The following MDGA2 variants were observed in gnomAD, a reference collection of about 807,000 sequenced individuals.
The protein encoded by MDGA2 is MAM domain containing glycosylphosphatidylinositol anchor 2, also known as MAM domain-containing glycosylphosphatidylinositol anchor protein 2.
A neutral mutation model predicts 117.8 loss-of-function variants in MDGA2; 40 were observed. That is an observed-to-expected ratio of 0.34 (90% CI 0.26 to 0.44). MDGA2 has a LOEUF of 0.44. Ranked by LOEUF, MDGA2 falls within the 20% of genes least tolerant of loss-of-function variation. MDGA2 has a pLI of 1.00. For synonymous variants in MDGA2, 452 were observed against 439.0 expected (o/e 1.03, Z -0.37); for missense variants, 1,123 against 1,250.6 (o/e 0.90, Z 1.54).
At chr14:47,402,999 T>C (rs1695221110) in intron 1 of MDGA2, among the ~76,000 whole-genome samples, 1 of 152,176 alleles carries the variant, frequency 6.6e-6, no homozygotes, top group Non-Finnish European at 1.5e-5. Context: ...TCTTGACTTT[T>C]CTTGTTTCCC....
At chr14:47,355,415 A>C (rs1043967506) in intron 1 of MDGA2, among the ~76,000 whole-genome samples, 1 of 152,118 alleles carries the variant, frequency 6.6e-6, no homozygotes, top group Non-Finnish European at 1.5e-5. Context: ...CTAGCAAGGA[A>C]CCATGGTGGA....
rs59530070 is a variant in MDGA2 at position 46,982,705 on chromosome 14, CAAAAAAAAA to C, written c.1820-25071_1820-25063del. 7.7e-3 allele frequency among the ~76,000 whole-genome samples: 356 copies of C among 45,978 alleles called. 6 individuals carry two copies. Among genetic ancestry groups the C allele is most frequent in the Non-Finnish European group, 0.01 (285 of 27,506 alleles). 30.2% of individuals were successfully genotyped at this position (45,978 alleles called of 152,430 possible). A position where few individuals can be genotyped will look rare whatever the true frequency, so the allele number is the denominator to read the frequency against. On this transcript the variant is annotated intron_variant, in intron 8 of 16. Coordinates refer to ENST00000399232, the MANE Select transcript of MDGA2 (RefSeq NM_001113498.3). ...GCCTGGTGACAGAGGGAGACTCCAT[CAAAAAAAAA>C]AAAAAAAAAAAAAAAAAAAAAATCA... is the stretch of plus-strand genomic sequence containing the variant.
intron 1 of MDGA2, among the ~76,000 whole-genome samples, chr14:47,332,224 C>G (rs1407186844): frequency 6.6e-6 from 1 of 151,960 alleles, no homozygotes; most frequent in Non-Finnish European, 1.5e-5. Flanking sequence ...AGCTGAAAGA[C>G]AGTCATTTAT....
intron 8 of MDGA2, among the ~76,000 whole-genome samples, chr14:46,963,332 G>T (rs1013710338): frequency 5.9e-5 from 9 of 152,120 alleles, no homozygotes; most frequent in African/African-American, 1.7e-4. Flanking sequence ...TACTTCTTTT[G>T]TTCTCTCATT....
At chr14:46,929,998 C>G (rs1358891543) in intron 9 of MDGA2, among the ~76,000 whole-genome samples, 3 of 151,568 alleles carry the variant, frequency 2.0e-5, no homozygotes, top group Admixed American at 6.6e-5. Flanking sequence ...AATGAGTTGA[C>G]AGGTTATTTG....
rs1894111230 is a variant in MDGA2, at chr14:47,488,808, G to C, written c.280+185709C>G. Among the ~76,000 whole-genome samples, 6 of 151,898 alleles carry C rather than the reference G, an allele frequency of 4.0e-5. 1 individual carries two copies. Among genetic ancestry groups the C allele is most frequent in the Admixed American group, 3.9e-4 (6 of 15,228 alleles). ...CACTCTGCACAACAGAGGTTCACTA[G>C]AAAAGTAAAGAAAAATGTGCTATGG... On this transcript the variant is annotated intron_variant, in intron 1 of 16. Coordinates refer to ENST00000399232, the MANE Select transcript of MDGA2 (RefSeq NM_001113498.3).
At chr14:47,093,877 A>G (rs953440058) in intron 6 of MDGA2, among the ~76,000 whole-genome samples, 7 of 152,114 alleles carry the variant, frequency 4.6e-5, no homozygotes, top group African/African-American at 1.7e-4. Context: ...ATGCTTACTC[A>G]GAAACCTGGT....
intron 2 of MDGA2, among the ~76,000 whole-genome samples, chr14:47,260,102 G>T (rs1279338010): frequency 6.6e-6 from 1 of 151,966 alleles, no homozygotes; most frequent in Non-Finnish European, 1.5e-5. Flanking sequence ...TGGAAAAATG[G>T]TAATTTAGAG....
At chr14:47,645,780 T>C (rs1249889214) in intron 1 of MDGA2, among the ~76,000 whole-genome samples, 2 of 151,546 alleles carry the variant, frequency 1.3e-5, no homozygotes, top group Non-Finnish European at 1.5e-5. Context: ...ATATTAAAGA[T>C]GAAGAAAACT....
Position 47,647,391 on chromosome 14 carries a change from T to C in MDGA2, c.280+27126A>G, listed in dbSNP as rs151156178. Among the ~76,000 whole-genome samples the C allele has an allele frequency of 7.7e-4, 117 of 152,070 alleles. 1 individual carries two copies. The highest frequency in any genetic ancestry group is 2.7e-3 in the African/African-American group (113 of 41,470). On this transcript the variant is annotated intron_variant, in intron 1 of 16. Coordinates refer to ENST00000399232, the MANE Select transcript of MDGA2 (RefSeq NM_001113498.3). Reference sequence around the variant, plus strand: ...TCATCCTTGGGATGACTTTTCCTTATAATAGTAGGCATTAACATCAGACAC... The same window carrying C: ...TCATCCTTGGGATGACTTTTCCTTACAATAGTAGGCATTAACATCAGACAC...
intron 1 of MDGA2, among the ~76,000 whole-genome samples, chr14:47,582,991 C>G (rs1655239700): frequency 6.6e-6 from 1 of 151,776 alleles, no homozygotes; most frequent in South Asian, 2.1e-4. Flanking sequence ...GTAAATAACA[C>G]CAAATTGTAA....
At chr14:47,263,125 G>C (rs1887853489) in intron 2 of MDGA2, among the ~76,000 whole-genome samples, 1 of 151,932 alleles carries the variant, frequency 6.6e-6, no homozygotes, top group African/African-American at 2.4e-5. Context: ...GTATTGTCCT[G>C]GTGACATCCG....
chr14:47,130,648 G>C (rs1191700674), intron 5 of MDGA2, among the ~76,000 whole-genome samples: 1 of 152,076 alleles, frequency 6.6e-6, no homozygotes, highest in African/African-American at 2.4e-5. Context: ...TTTGTTGGAA[G>C]AACTAATAAA....
intron 2 of MDGA2, among the ~76,000 whole-genome samples, chr14:47,235,418 G>A (rs1886825022): frequency 6.6e-6 from 1 of 152,198 alleles, no homozygotes; most frequent in South Asian, 2.1e-4. Flanking sequence ...AGAATAATGT[G>A]AACAACTAAT....
chr14:47,138,228 T>C (rs1882551775), intron 4 of MDGA2, among the ~76,000 whole-genome samples: 2 of 152,124 alleles, frequency 1.3e-5, no homozygotes, highest in South Asian at 4.1e-4. Context: ...TTGTTGATCA[T>C]TTGAATTTGA....
chr14:46,845,302 C>A (rs1388540674), intron 16 of MDGA2, among the ~76,000 whole-genome samples: 1 of 152,174 alleles, frequency 6.6e-6, no homozygotes, highest in Non-Finnish European at 1.5e-5. Context: ...TTCCTTAGGC[C>A]TCCCAGCCTT....
intron 2 of MDGA2, among the ~76,000 whole-genome samples, chr14:47,229,708 TA>T (rs955347379): frequency 1.1e-4 from 16 of 149,162 alleles, no homozygotes; most frequent in East Asian, 3.9e-4. Flanking sequence ...AACTATTCAT[TA>T]AAAAAAAAAT....
intron 2 of MDGA2, among the ~76,000 whole-genome samples, chr14:47,274,009 G>A (rs1336282995): frequency 6.6e-6 from 1 of 152,082 alleles, no homozygotes; most frequent in East Asian, 1.9e-4. Flanking sequence ...TATTCTAGAG[G>A]CTACACTAAG....
chr14:46,936,932 T>C (rs913334184), intron 9 of MDGA2, among the ~76,000 whole-genome samples: 1 of 151,872 alleles, frequency 6.6e-6, no homozygotes. Flanking sequence ...CAGTACTAGA[T>C]GTCCTAGCCA....
Sources: gnomAD v4.1 joint callset for allele counts (sites outside exome capture counted in the v4.1 genomes callset) on GRCh38, gnomAD v4.1.1 for gene constraint, MANE v1.5 for transcripts, NCBI Gene and HGNC (gene_info 2026-07-23, HGNC 2026-07-21) for gene names.